The following MAPKAP1 variants were observed in gnomAD, a reference collection of about 807,000 sequenced individuals.
MAPKAP1 encodes MAPK associated protein 1, also known as target of rapamycin complex 2 subunit MAPKAP1.
Under a neutral mutation model 65.7 loss-of-function variants are expected in MAPKAP1, and 20 were observed. The ratio of observed to expected loss-of-function variants is 0.30; its 90% CI spans 0.21 to 0.44. The LOEUF is 0.44. Among genes scored for constraint, MAPKAP1 ranks in the 20% least tolerant of loss-of-function variants. The pLI, the probability that MAPKAP1 is intolerant of heterozygous loss-of-function variation, is 1.00. For synonymous variants in MAPKAP1, 222 were observed against 244.3 expected (o/e 0.91, Z 0.85); for missense variants, 423 against 648.0 (o/e 0.65, Z 3.77).
At chr9:125,480,068 G>A (rs1405402996) in intron 9 of MAPKAP1, among the ~76,000 whole-genome samples, 3 of 152,302 alleles carry the variant, frequency 2.0e-5, no homozygotes, top group Middle Eastern at 3.4e-3. Context: ...GCAGTAGAAC[G>A]TCTCAGGAAG....
intron 3 of MAPKAP1, among the ~76,000 whole-genome samples, chr9:125,665,070 G>C (rs1284714001): frequency 6.6e-6 from 1 of 152,160 alleles, no homozygotes; most frequent in East Asian, 1.9e-4. Context: ...GGGAGGCCGA[G>C]GCGGGCGGAT....
chr9:125,576,726 G>C lies in MAPKAP1; in HGVS notation c.671+8829C>G, dbSNP rs891865614. Among the ~76,000 whole-genome samples the C allele has an allele frequency of 2.6e-5, 4 of 152,352 alleles. No homozygotes were observed. In the South Asian group the frequency reaches 8.3e-4, roughly 32 times the overall value. On this transcript the variant is annotated intron_variant, in intron 5 of 11. Transcript: ENST00000265960. ...GGTGGAGACGGGGTTTCGCTGTGTT[G>C]GCCGGGCTGGTCTCCAGCTCCTAAC... is the stretch of plus-strand genomic sequence containing the variant.
At chr9:125,597,572 C>T (rs1832175967) in intron 4 of MAPKAP1, among the ~76,000 whole-genome samples, 1 of 152,218 alleles carries the variant, frequency 6.6e-6, no homozygotes. Flanking sequence ...CAGATCTAAA[C>T]TGCTGCTAAG....
intron 1 of MAPKAP1, among the ~76,000 whole-genome samples, chr9:125,704,592 G>C (rs1392617221): frequency 6.6e-6 from 1 of 152,130 alleles, no homozygotes; most frequent in Non-Finnish European, 1.5e-5. Flanking sequence ...ATGAATCGTA[G>C]ATCCTCGAAG....
In MAPKAP1 at chr9:125,635,278, G is replaced by A. The variant is rs188149147; in HGVS notation, c.498+22373C>T. Among the ~76,000 whole-genome samples the A allele has an allele frequency of 2.0e-4, 31 of 152,282 alleles. 1 individual carries two copies. Among genetic ancestry groups the A allele is most frequent in the Middle Eastern group, 3.4e-3 (1 of 294 alleles). ...CCCATTCACCTCAAACATCGTTTGTGGCACAAGCCCCTTTTCAGAAGATTA... is the reference window on the plus strand; with the variant it reads ...CCCATTCACCTCAAACATCGTTTGTAGCACAAGCCCCTTTTCAGAAGATTA... On this transcript the variant is annotated intron_variant, in intron 4 of 11. Coordinates refer to ENST00000265960, the MANE Select transcript of MAPKAP1 (RefSeq NM_001006617.3).
At position 125,596,448 on chromosome 9, in the gene MAPKAP1, T is replaced by G. The variant is rs1400775711; in HGVS notation, c.499-10721A>C. On this transcript the variant is annotated intron_variant, in intron 4 of 11. Coordinates refer to ENST00000265960, the MANE Select transcript of MAPKAP1 (RefSeq NM_001006617.3). The stretch of plus-strand genomic sequence containing the variant: ...TTTTGGAGGGTGGTGGAAGCTACAA[T>G]GATTCTGGCAATTACAACAATCAGT... The G allele has an allele frequency of 4.7e-5, 36 of 767,066 alleles. 1 individual carries two copies. Among genetic ancestry groups the G allele is most frequent in the Middle Eastern group, 3.6e-4 (1 of 2,752 alleles). The allele number at this position is 767,066 out of a possible 1,614,324, so 47.5% of individuals were successfully genotyped here.
intron 1 of MAPKAP1, among the ~76,000 whole-genome samples, chr9:125,703,862 C>T (rs1374474892): frequency 6.6e-6 from 1 of 151,702 alleles, no homozygotes; most frequent in Non-Finnish European, 1.5e-5. Context: ...AAGGCCTATA[C>T]ATCAGAATAA....
chr9:125,503,649 T>G (rs1385996239), intron 8 of MAPKAP1, among the ~76,000 whole-genome samples: 4 of 152,180 alleles, frequency 2.6e-5, no homozygotes, highest in African/African-American at 9.7e-5. Context: ...AATAATGTTG[T>G]TAAAACACTG....
Position 125,438,038 on chromosome 9 carries a change from A to C in MAPKAP1, c.*849T>G. ...AATGTGGCCCCTTCCAAGGCAGCGA[A>C]GCAGAGAACATGCAGGTGGAACTGC... On this transcript the variant is annotated 3_prime_UTR_variant, in exon 12 of 12. Coordinates refer to ENST00000265960, the MANE Select transcript of MAPKAP1 (RefSeq NM_001006617.3). 1 of 245,766 alleles carries C rather than the reference A, an allele frequency of 4.1e-6. No homozygotes were observed. Among genetic ancestry groups the C allele is most frequent in the Non-Finnish European group, 7.7e-6 (1 of 129,320 alleles). The allele number at this position is 245,766 out of a possible 1,614,324, so 15.2% of individuals were successfully genotyped here. A position where few individuals can be genotyped will look rare whatever the true frequency, so the allele number is the denominator to read the frequency against.
At chr9:125,528,564 G>C (rs1394887589) in intron 7 of MAPKAP1, among the ~76,000 whole-genome samples, 1 of 152,208 alleles carries the variant, frequency 6.6e-6, no homozygotes, top group African/African-American at 2.4e-5. Context: ...AAAATGGAAG[G>C]ACCGCCAGGC....
Position 125,467,981 on chromosome 9 carries a change from T to C in MAPKAP1, c.1336A>G (p.Lys446Glu), listed in dbSNP as rs1351372805. 2 of 1,614,006 alleles carry C rather than the reference T, an allele frequency of 1.2e-6. No individual in the cohort carries two copies. Among genetic ancestry groups the C allele is most frequent in the African/African-American group, 1.3e-5 (1 of 74,918 alleles). The change falls in exon 10 of 12, where the codon AAA becomes GAA. Residue 446 changes from lysine (K) to glutamate (E), a missense_variant. Physicochemically the swap from Lys to Glu is moderately conservative, Grantham distance 56 (BLOSUM62 1). Around this residue, in one of 6 missense-constraint regions of MAPKAP1, gnomAD observed 185 missense variants for 268.1 expected, o/e 0.69. Transcript: ENST00000265960. ...LLCACDLAEE[K>E]SPSHAIFKLT... Reference sequence around the variant, plus strand: ...AAAAGGGACTACTCACTGGGGCTTTTCTCTTCAGCAAGGTCACAGGCACAG... The same window carrying C: ...AAAAGGGACTACTCACTGGGGCTTTCCTCTTCAGCAAGGTCACAGGCACAG...
chr9:125,674,131 T>C (rs1834575913), intron 1 of MAPKAP1, among the ~76,000 whole-genome samples: 1 of 151,870 alleles, frequency 6.6e-6, no homozygotes, highest in African/African-American at 2.4e-5. Flanking sequence ...CTATAAGATC[T>C]CAGTCAAAAT....
chr9:125,682,723 C>T (rs975011067), intron 1 of MAPKAP1, among the ~76,000 whole-genome samples: 6 of 152,082 alleles, frequency 3.9e-5, no homozygotes, highest in African/African-American at 1.4e-4. Context: ...TAAATAATGC[C>T]AAAAGAACTA....
intron 1 of MAPKAP1, among the ~76,000 whole-genome samples, chr9:125,673,090 T>C (rs1379141648): frequency 1.3e-5 from 2 of 152,250 alleles, no homozygotes; most frequent in Non-Finnish European, 2.9e-5. Context: ...TCCTGTCATA[T>C]GATTGTGAAG....
In MAPKAP1 at chr9:125,520,381, C is replaced by G. The variant is rs1829586107; in HGVS notation, c.959-13964G>C. Among the ~76,000 whole-genome samples the G allele has an allele frequency of 2.0e-5, 3 of 152,188 alleles. No homozygotes were observed. In the South Asian group the frequency reaches 6.2e-4, roughly 32 times the overall value. ...GGAGAGGCTGAAACCTCCAGGTCAG[C>G]CTTACTGGCCTCATCTTCCTCCCCT... On this transcript the variant is annotated intron_variant, in intron 7 of 11. Transcript: ENST00000265960.
intron 5 of MAPKAP1, among the ~76,000 whole-genome samples, chr9:125,572,649 G>A (rs2131542751): frequency 6.6e-6 from 1 of 152,292 alleles, no homozygotes; most frequent in South Asian, 2.1e-4. Context: ...CAAGAGGGAT[G>A]AGTAATGTAA....
At chr9:125,627,195 T>C (rs967497827) in intron 4 of MAPKAP1, among the ~76,000 whole-genome samples, 1 of 152,198 alleles carries the variant, frequency 6.6e-6, no homozygotes, top group Admixed American at 6.5e-5. Flanking sequence ...ACTACTGCAA[T>C]GTTTCATGAC....
intron 5 of MAPKAP1, among the ~76,000 whole-genome samples, chr9:125,581,691 G>A (rs1831631476): frequency 6.6e-6 from 1 of 152,034 alleles, no homozygotes; most frequent in South Asian, 2.1e-4. Context: ...TTTTAATGAA[G>A]TCTAACTTGC....
chr9:125,619,048 G>T (rs539605889), intron 4 of MAPKAP1, among the ~76,000 whole-genome samples: 1 of 152,132 alleles, frequency 6.6e-6, no homozygotes, highest in Non-Finnish European at 1.5e-5. Flanking sequence ...TGGGAAGATT[G>T]TTTGAGCCCA....
Sources: gnomAD v4.1 joint callset for allele counts (sites outside exome capture counted in the v4.1 genomes callset) on GRCh38, gnomAD v4.1.1 for gene constraint, gnomAD v4.1.1 regional missense constraint, MANE v1.5 for transcripts, NCBI Gene and HGNC (gene_info 2026-07-23, HGNC 2026-07-21) for gene names.